ALDH4A1: variants seen among roughly 807,000 people sequenced by gnomAD.
ALDH4A1 encodes delta-1-pyrroline-5-carboxylate dehydrogenase, mitochondrial.
Under a neutral mutation model 70.5 loss-of-function variants are expected in ALDH4A1, and 46 were observed. The ratio of observed to expected loss-of-function variants is 0.65; its 90% CI spans 0.51 to 0.83. The LOEUF (loss-of-function observed/expected upper bound fraction) is 0.83, where lower values mean the gene tolerates loss of function less well. Among genes scored for constraint, ALDH4A1 ranks in the 40% least tolerant of loss-of-function variants. The pLI, the probability that ALDH4A1 is intolerant of heterozygous loss-of-function variation, is 0.00. For synonymous variants in ALDH4A1, 323 were observed against 324.3 expected, an observed-to-expected ratio of 1.00 and a Z score of 0.04; for missense variants, 749 against 766.5, an observed-to-expected ratio of 0.98 and a Z score of 0.27.
At chr1:18,875,100 C>T (rs1934616828) in intron 13 of ALDH4A1, among the ~76,000 whole-genome samples, 1 of 152,226 alleles carries the variant, frequency 6.6e-6, no homozygotes, top group Non-Finnish European at 1.5e-5. Context: ...CACCAGATCC[C>T]GCAGAGCCAG....
chr1:18,875,547 A>T (rs1298030944), intron 12 of ALDH4A1, 44 bp from the exon 13 acceptor site: 1 of 1,613,240 alleles, frequency 6.2e-7, no homozygotes, highest in East Asian at 2.2e-5. Context: ...GGGACCAGGG[A>T]CCAGGGCCCT....
chr1:18,877,067 G>GT, intron 11 of ALDH4A1, 141 bp downstream of exon 11: 1 of 1,048,422 alleles, frequency 9.5e-7, no homozygotes, highest in South Asian at 1.5e-5. Flanking sequence ...CTGGAGGTGC[G>GT]TGTGTGGCTG....
intron 1 of ALDH4A1, among the ~76,000 whole-genome samples, chr1:18,891,897 C>A (rs1935447516): frequency 1.3e-5 from 2 of 151,846 alleles, no homozygotes; most frequent in Non-Finnish European, 2.9e-5. Flanking sequence ...GCGTAGTGGC[C>A]CACTCCTGTA....
At chr1:18,890,759 G>T in intron 1 of ALDH4A1, 1 of 985,516 alleles carries the variant, frequency 1.0e-6, no homozygotes, top group Non-Finnish European at 1.2e-6. Context: ...CATGCAAAGC[G>T]TTACTCTCCC....
intron 1 of ALDH4A1, among the ~76,000 whole-genome samples, chr1:18,894,253 G>A (rs1007443044): frequency 6.6e-6 from 1 of 152,150 alleles, no homozygotes; most frequent in Non-Finnish European, 1.5e-5. Flanking sequence ...AGGTTAAAAC[G>A]GAGTAGGCCG....
chr1:18,897,000 G>A, intron 1 of ALDH4A1: 1 of 506,546 alleles, frequency 2.0e-6, no homozygotes, highest in Non-Finnish European at 4.1e-6. Context: ...CACATGCCAA[G>A]CATTAACCTA....
intron 5 of ALDH4A1, 46 bp downstream of exon 5, chr1:18,885,427 T>TGCCACCCCCCCCCCCC: frequency 3.1e-6 from 2 of 650,922 alleles, no homozygotes; most frequent in Non-Finnish European, 5.4e-6. Flanking sequence ...CACACCTGAC[T>TGCCACCCCCCCCCCCC]CCCACCCCAC....
At chr1:18,894,779 G>C (rs1330716907) in intron 1 of ALDH4A1, among the ~76,000 whole-genome samples, 1 of 151,052 alleles carries the variant, frequency 6.6e-6, no homozygotes, top group East Asian at 2.0e-4. Context: ...ACAGACACTA[G>C]TTCAAAGTTC....
At chr1:18,886,996 G>C (rs773084359) in intron 3 of ALDH4A1, among the ~76,000 whole-genome samples, 1 of 152,138 alleles carries the variant, frequency 6.6e-6, no homozygotes, top group Non-Finnish European at 1.5e-5. Context: ...TGCGACTATG[G>C]GCAACAAAAC....
intron 14 of ALDH4A1, among the ~76,000 whole-genome samples, chr1:18,874,193 G>A (rs1387530630): frequency 6.6e-6 from 1 of 152,218 alleles, no homozygotes; most frequent in Non-Finnish European, 1.5e-5. Flanking sequence ...CACTGGCTAT[G>A]GTGCAGAAAG....
chr1:18,891,094 A>T (rs1002280008), intron 1 of ALDH4A1, among the ~76,000 whole-genome samples: 3 of 152,180 alleles, frequency 2.0e-5, no homozygotes, highest in Admixed American at 6.5e-5. Context: ...GAGGGTCACA[A>T]GGTGGGAGGT....
At chr1:18,883,676 G>GTA (rs1215917910) in intron 5 of ALDH4A1, among the ~76,000 whole-genome samples, 4 of 152,230 alleles carry the variant, frequency 2.6e-5, no homozygotes, top group Non-Finnish European at 5.9e-5. Context: ...GTGATCCTCT[G>GTA]TAGCAGGCCA....
chr1:18,882,458 C>G (rs1392706823), intron 7 of ALDH4A1: 1 of 469,378 alleles, frequency 2.1e-6, no homozygotes. Flanking sequence ...GCACCTCCCC[C>G]ACAGGCCTGG....
chr1:18,882,652 AG>A, intron 7 of ALDH4A1: 1 of 541,604 alleles, frequency 1.8e-6, no homozygotes. Flanking sequence ...AAAGAGGCAG[AG>A]TCACAACTCC....
chr1:18,889,573 C>T, intron 2 of ALDH4A1, 119 bp from the exon 3 acceptor site: 1 of 899,716 alleles, frequency 1.1e-6, no homozygotes, highest in Non-Finnish European at 1.8e-6. Flanking sequence ...AGAAGGGGGC[C>T]AGGCCAGGTC....
At chr1:18,882,675 G>A in intron 7 of ALDH4A1, 1 of 547,118 alleles carries the variant, frequency 1.8e-6, no homozygotes. Flanking sequence ...TCTCGAAGCT[G>A]CTGAGAGGAT....
Position 18,883,268 on chromosome 1 carries a change from C to T in ALDH4A1, c.603+11G>A. On this transcript the variant is annotated intron_variant, in intron 6 of 14. Transcript: ENST00000375341. ...TGCCCCGCCTGCTCGCCCACTGCCT[C>T]CTGCAGGTACCTCCAGACCCCGGTA... 3 of 1,613,198 alleles carry T rather than the reference C, an allele frequency of 1.9e-6. No individual in the cohort carries two copies. The highest frequency in any genetic ancestry group is 2.5e-6 in the Non-Finnish European group (3 of 1,180,018).
At position 18,883,428 on chromosome 1, in the gene ALDH4A1, C is replaced by G; in HGVS notation, c.454G>C (p.Gly152Arg). 1 of 1,613,274 alleles carries G rather than the reference C, an allele frequency of 6.2e-7. No homozygotes were observed. Residue 152 changes from glycine (G) to arginine (R), a missense_variant and splice_region_variant, in exon 6 of 15, where the codon GGT becomes CGT. Gly to Arg is a moderately radical substitution (Grantham distance 125). Coordinates refer to ENST00000375341, the MANE Select transcript of ALDH4A1 (RefSeq NM_003748.4). ...EILAKTMVGQ[G>R]KTVIQAEIDA... is the part of the protein sequence containing the mutation. The stretch of plus-strand genomic sequence containing the variant: ...ATCTCCGCTTGGATCACGGTCTTAC[C>G]CTGCAAGGCAGAGGGCCGGGGGTCA...
Position 18,902,536 on chromosome 1 carries a change from G to C in ALDH4A1, c.-13C>G, listed in dbSNP as rs945943627. On this transcript the variant is annotated 5_prime_UTR_variant, in exon 1 of 15. Transcript: ENST00000375341. ...CCGGCAGCAGCATCTCGGGTTAGAA[G>C]CGGGGCTGTTCGCTGGATCGTCCGC... 3.4e-6 allele frequency: 5 copies of C among 1,487,024 alleles called. No homozygotes were observed. In the African/African-American group the frequency reaches 5.7e-5, roughly 17 times the overall value. The allele number at this position is 1,487,024 out of a possible 1,614,324, so 92.1% of individuals were successfully genotyped here.
Sources: allele counts gnomAD v4.1 joint callset (sites outside exome capture counted in the v4.1 genomes callset), GRCh38; gene constraint gnomAD v4.1.1; transcripts MANE v1.5; gene names NCBI Gene and HGNC (gene_info 2026-07-23, HGNC 2026-07-21).